NAV1: variants seen among roughly 807,000 people sequenced by gnomAD.
NAV1 encodes pore membrane and/or filament interacting like protein 3.
Under a neutral mutation model 175.2 loss-of-function variants are expected in NAV1, and 18 were observed. That is an observed-to-expected ratio of 0.10 (90% CI 0.07 to 0.15). The LOEUF (loss-of-function observed/expected upper bound fraction) is 0.15. NAV1 is among the 10% of genes least tolerant of loss of function. The pLI is 1.00. For synonymous variants in NAV1, 897 were observed against 978.7 expected, an observed-to-expected ratio of 0.92 and a Z score of 1.56; for missense variants, 1,731 against 2,436.6, an observed-to-expected ratio of 0.71 and a Z score of 6.10.
chr1:201,638,726 A>C lies in NAV1; in HGVS notation c.4+9219A>C, dbSNP rs574139505. ...AGCAGCCTGCTGTGTGGTCTTGGGC[A>C]AGTGTATGTCTCTATAAAATGAAGA... On this transcript the variant is annotated intron_variant, in intron 2 of 29. Transcript: ENST00000367302. Among the ~76,000 whole-genome samples, 93 of 152,348 alleles carry C rather than the reference A, an allele frequency of 6.1e-4. No individual in the cohort carries two copies. In the South Asian group the frequency reaches 0.019, roughly 31 times the overall value.
At chr1:201,726,182 C>T (rs1463141008) in intron 3 of NAV1, among the ~76,000 whole-genome samples, 2 of 152,174 alleles carry the variant, frequency 1.3e-5, no homozygotes, top group Non-Finnish European at 2.9e-5. Flanking sequence ...ATCTGGAGTT[C>T]AATCCTAAGC....
At chr1:201,615,962 C>T (rs1336598528) in intron 2 of NAV1, among the ~76,000 whole-genome samples, 1 of 152,114 alleles carries the variant, frequency 6.6e-6, no homozygotes, top group Admixed American at 6.6e-5. Context: ...GCAGCTCAGC[C>T]TCTATCCCTG....
Position 201,718,321 on chromosome 1 carries a change from G to A in NAV1, c.861-69G>A, listed in dbSNP as rs1257739141. The A allele has an allele frequency of 2.8e-6, 4 of 1,423,910 alleles. No individual in the cohort carries two copies. The African/African-American group carries it at 5.7e-5, about 20-fold the overall frequency. 88.2% of individuals were successfully genotyped at this position (1,423,910 alleles called of 1,614,324 possible). ...GGTGGAGGGGAGGCATTGCTGGGGT[G>A]CATGTGAGGGGACAGGGCACACGGC... On this transcript the variant is annotated intron_variant, in intron 2 of 29. Transcript: ENST00000367296. This position sits in a 1 kb window ranked among gnomAD's most constrained non-coding sequence, Gnocchi z 4.8.
At position 201,808,767 on chromosome 1, in the gene NAV1, G is replaced by A; in HGVS notation, c.4103G>A (p.Gly1368Asp). Residue 1368 changes from glycine (G) to aspartate (D), a missense_variant, in exon 20 of 30, where the codon GGC (glycine) becomes GAC (aspartate). Gly to Asp is a moderately conservative substitution (Grantham distance 94). Coordinates refer to ENST00000367296, the Ensembl canonical transcript of NAV1. This position sits in a 1 kb window ranked among gnomAD's most constrained non-coding sequence, Gnocchi z 5.5. ...AAGGTAGCCCCAGGCCCCTCATCAG[G>A]CTCCACTCCAGGGCAGGTCCCTGGA... 1 of 1,614,154 alleles carries A rather than the reference G, an allele frequency of 6.2e-7. No homozygotes were observed.
upstream of NAV1, among the ~76,000 whole-genome samples, chr1:201,644,458 G>C (rs1224274786): frequency 6.6e-6 from 1 of 152,192 alleles, no homozygotes; most frequent in African/African-American, 2.4e-5. Context: ...AATCAAAAAA[G>C]AGCCAGATAG....
intron 2 of NAV1, among the ~76,000 whole-genome samples, chr1:201,641,317 T>A (rs1345863962): frequency 6.6e-6 from 1 of 152,196 alleles, no homozygotes; most frequent in Admixed American, 6.5e-5. Context: ...ATCTCTCACT[T>A]GGGTGACTGC....
upstream of NAV1, among the ~76,000 whole-genome samples, chr1:201,622,407 G>A (rs781715454): frequency 7.2e-5 from 11 of 152,192 alleles, no homozygotes; most frequent in Non-Finnish European, 1.5e-4. Flanking sequence ...CAGCTGCAGT[G>A]ATGAGAGGAA....
At chr1:201,781,855 T>C (rs1005230961) in intron 5 of NAV1, among the ~76,000 whole-genome samples, 4 of 152,012 alleles carry the variant, frequency 2.6e-5, no homozygotes, top group Non-Finnish European at 5.9e-5. Context: ...CTTCCCCACC[T>C]TTTTTTTCCC....
At chr1:201,656,569 A>T (rs989115373) in intron 1 of NAV1, among the ~76,000 whole-genome samples, 1 of 152,198 alleles carries the variant, frequency 6.6e-6, no homozygotes, top group Non-Finnish European at 1.5e-5. Flanking sequence ...AAGTATGACG[A>T]GAGCTATTGG....
intron 1 of NAV1, among the ~76,000 whole-genome samples, chr1:201,553,442 A>G (rs1346366763): frequency 6.6e-6 from 1 of 152,256 alleles, no homozygotes; most frequent in Non-Finnish European, 1.5e-5. Context: ...GTGAGGGTAT[A>G]TTCACCTGCA....
At chr1:201,658,386 G>A (rs529674914) in intron 1 of NAV1, among the ~76,000 whole-genome samples, 1 of 152,276 alleles carries the variant, frequency 6.6e-6, no homozygotes, top group East Asian at 1.9e-4. Flanking sequence ...GTGTGTGGGG[G>A]CACATGTGAG....
chr1:201,709,439 C>T (rs1039158650), intron 1 of NAV1, among the ~76,000 whole-genome samples: 15 of 152,154 alleles, frequency 9.9e-5, no homozygotes, highest in Non-Finnish European at 5.9e-5. Context: ...CAGATTGGCT[C>T]CTCAACCTAG....
chr1:201,803,842 ATGT>A, intron 16 of NAV1, 128 bp downstream of exon 20: 6 of 1,214,478 alleles, frequency 4.9e-6, no homozygotes, highest in South Asian at 1.4e-5. Context: ...CCCTAGTGTG[ATGT>A]CCGCTCAGAG....
intron 1 of NAV1, among the ~76,000 whole-genome samples, chr1:201,628,640 T>A (rs1484918639): frequency 1.3e-5 from 2 of 151,922 alleles, no homozygotes; most frequent in African/African-American, 4.8e-5. Context: ...GCTGCCAAAG[T>A]CTCCATTTAG....
At chr1:201,757,483 G>A (rs1249427919) in intron 3 of NAV1, among the ~76,000 whole-genome samples, 1 of 152,108 alleles carries the variant, frequency 6.6e-6, no homozygotes, top group Non-Finnish European at 1.5e-5. Context: ...TGAACTCCTG[G>A]CCTCGAGCGA....
intron 3 of NAV1, among the ~76,000 whole-genome samples, chr1:201,742,113 T>C (rs985257348): frequency 6.6e-6 from 1 of 152,234 alleles, no homozygotes; most frequent in Admixed American, 6.5e-5. Context: ...ATTCCTCGAA[T>C]TGCCACACTT....
At position 201,629,168 on chromosome 1, in the gene NAV1, G is replaced by A. The variant is rs191586657; in HGVS notation, c.-100-236G>A. 2.8e-4 allele frequency among the ~76,000 whole-genome samples: 42 copies of A among 152,286 alleles called. 1 individual carries two copies. The highest frequency in any genetic ancestry group is 8.7e-4 in the African/African-American group (36 of 41,572). ...AGAATGTCAAGGGGTGACAAGCATC[G>A]GGCATCCCAGTATCCTCTGGGGCTC... On this transcript the variant is annotated intron_variant, in intron 1 of 29. Coordinates refer to the NAV1 transcript ENST00000367302.
intron 3 of NAV1, among the ~76,000 whole-genome samples, chr1:201,748,910 G>A (rs1233781720): frequency 6.6e-6 from 1 of 152,160 alleles, no homozygotes; most frequent in Non-Finnish European, 1.5e-5. Flanking sequence ...CACTTTGGGA[G>A]GCCGAGGCAG....
intron 3 of NAV1, among the ~76,000 whole-genome samples, chr1:201,731,951 T>G (rs989124754): frequency 1.3e-5 from 2 of 152,194 alleles, no homozygotes; most frequent in African/African-American, 4.8e-5. Flanking sequence ...GGAGTGAACT[T>G]TCCTCTGATC....
Sources: gnomAD v4.1 joint callset for allele counts (sites outside exome capture counted in the v4.1 genomes callset) on GRCh38, gnomAD v4.1.1 for gene constraint, Gnocchi (gnomAD v3.1) non-coding constraint, MANE v1.5 for transcripts, NCBI Gene and HGNC (gene_info 2026-07-23, HGNC 2026-07-21) for gene names.